XPOT: variants seen among roughly 807,000 people sequenced by gnomAD.
XPOT encodes the protein exportin-T.
Under a neutral mutation model 128.2 loss-of-function variants are expected in XPOT, and 34 were observed. The observed-to-expected ratio is 0.27, with a 90% CI of 0.20 to 0.35. The LOEUF is 0.35. XPOT is among the 10% of genes least tolerant of loss of function. XPOT has a pLI of 1.00. For synonymous variants in XPOT, 348 were observed against 394.3 expected, an observed-to-expected ratio of 0.88 and a Z score of 1.39; for missense variants, 838 against 1,125.3, an observed-to-expected ratio of 0.74 and a Z score of 3.65.
At chr12:64,419,590 T>C (rs1452031983) in intron 6 of XPOT, among the ~76,000 whole-genome samples, 1 of 152,242 alleles carries the variant, frequency 6.6e-6, no homozygotes. Flanking sequence ...ATTACAGGCA[T>C]GAGCCACTGC....
rs1479062471 is a variant in XPOT, at chr12:64,449,806, G to C, written c.*1675G>C. 3 of 152,176 alleles carry C rather than the reference G, an allele frequency of 2.0e-5. No homozygotes were observed. Among genetic ancestry groups the C allele is most frequent in the African/African-American group, 7.2e-5 (3 of 41,450 alleles). The allele number at this position is 152,176 out of a possible 1,614,324, so 9.4% of individuals were successfully genotyped here. A position where few individuals can be genotyped will look rare whatever the true frequency, so the allele number is the denominator to read the frequency against. Reference sequence around the variant, plus strand: ...CCCCTGTACTATAGGAGTGATAATTGCAGCTATTGCAATAGTAGTAATTGT... The same window carrying C: ...CCCCTGTACTATAGGAGTGATAATTCCAGCTATTGCAATAGTAGTAATTGT... On this transcript the variant is annotated 3_prime_UTR_variant, in exon 25 of 25. Transcript: ENST00000332707.
At chr12:64,422,408 T>C (rs1024312730) in intron 9 of XPOT, among the ~76,000 whole-genome samples, 1 of 152,236 alleles carries the variant, frequency 6.6e-6, no homozygotes, top group African/African-American at 2.4e-5. Flanking sequence ...TTCCATTGTA[T>C]ATCTCTTAAT....
At chr12:64,433,676 C>A in intron 19 of XPOT, 73 bp downstream of exon 19, 1 of 1,365,562 alleles carries the variant, frequency 7.3e-7, no homozygotes, top group Non-Finnish European at 9.7e-7. Context: ...TGACCAAGAG[C>A]AAACTGAAGT....
At chr12:64,413,335 T>C (rs2040057882) in intron 2 of XPOT, among the ~76,000 whole-genome samples, 1 of 152,116 alleles carries the variant, frequency 6.6e-6, no homozygotes, top group Admixed American at 6.5e-5. Flanking sequence ...ACTGCTGGCC[T>C]CAAGTGATCT....
chr12:64,425,559 C>T, intron 14 of XPOT, 102 bp downstream of exon 14: 1 of 1,430,950 alleles, frequency 7.0e-7, no homozygotes, highest in Non-Finnish European at 9.5e-7. Flanking sequence ...GAATCAAAAC[C>T]TCTCAGAAGT....
At chr12:64,424,986 G>A (rs969333444) in intron 12 of XPOT, 52 bp from the exon 13 acceptor site, 2 of 1,603,774 alleles carry the variant, frequency 1.2e-6, no homozygotes, top group Admixed American at 1.7e-5. Context: ...TGCATAATTT[G>A]CTGTATGAAA....
intron 22 of XPOT, among the ~76,000 whole-genome samples, chr12:64,438,841 A>G (rs1487242756): frequency 6.6e-6 from 1 of 151,912 alleles, no homozygotes; most frequent in East Asian, 1.9e-4. Context: ...TGTTGGCCAC[A>G]CTGGTCTCGA....
chr12:64,409,262 C>T (rs76069059), intron 1 of XPOT, among the ~76,000 whole-genome samples: 6,028 of 152,196 alleles, frequency 0.04, 393 homozygotes, highest in African/African-American at 0.14. Flanking sequence ...TAATAGTCTG[C>T]ATTTGTCATT....
In XPOT at chr12:64,420,048, C is replaced by A. The variant is rs373475630; in HGVS notation, c.490-22C>A. ...TGATTTTGTAAGGTAATCTACTTTG[C>A]ATTTGGCGTTTTGTATTTTAGGAGG... On this transcript the variant is annotated intron_variant, in intron 6 of 24. Transcript: ENST00000332707. 11 of 1,537,704 alleles carry A rather than the reference C, an allele frequency of 7.2e-6. No individual in the cohort carries two copies. In the African/African-American group the frequency reaches 1.5e-4, roughly 21 times the overall value.
In XPOT at chr12:64,429,812, T is replaced by C. The variant is rs1675473733; in HGVS notation, c.1738-237T>C. Among the ~76,000 whole-genome samples the C allele has an allele frequency of 2.0e-5, 3 of 152,298 alleles. No homozygotes were observed. In the South Asian group the frequency reaches 6.2e-4, roughly 32 times the overall value. On this transcript the variant is annotated intron_variant, in intron 16 of 24. Transcript: ENST00000332707. Reference sequence around the variant, plus strand: ...CAAGTTAGAAAGCTAACTTTAATAATTATCTTACATGATCATTTATAGAGT... The same window carrying C: ...CAAGTTAGAAAGCTAACTTTAATAACTATCTTACATGATCATTTATAGAGT...
In XPOT at chr12:64,421,205, T is replaced by C. The variant is rs765678100; in HGVS notation, c.844-30T>C. 5.8e-6 allele frequency: 9 copies of C among 1,552,524 alleles called. No homozygotes were observed. The South Asian group carries it at 1.0e-4, about 17-fold the overall frequency. ...TCCTCTTAGCTTGGGCAGGCAGTTTTAAACAGAGATGTGTCTTGATTGCTT... is the reference window on the plus strand; with the variant it reads ...TCCTCTTAGCTTGGGCAGGCAGTTTCAAACAGAGATGTGTCTTGATTGCTT... On this transcript the variant is annotated intron_variant, in intron 8 of 24. Coordinates refer to ENST00000332707, the MANE Select transcript of XPOT (RefSeq NM_007235.6).
intron 1 of XPOT, among the ~76,000 whole-genome samples, chr12:64,408,944 A>G (rs2040009620): frequency 6.6e-6 from 1 of 151,972 alleles, no homozygotes; most frequent in Admixed American, 6.6e-5. Flanking sequence ...AAGTTCTCAG[A>G]TTACCGGTGT....
At chr12:64,409,924 C>A in intron 1 of XPOT, 38 bp from the exon 2 acceptor site, 1 of 791,002 alleles carries the variant, frequency 1.3e-6, no homozygotes. Context: ...ATTTGTTTAT[C>A]AAGTAATGTT....
At chr12:64,444,839 GACT>G (rs2040355079) in intron 23 of XPOT, among the ~76,000 whole-genome samples, 1 of 152,042 alleles carries the variant, frequency 6.6e-6, no homozygotes, top group Admixed American at 6.6e-5. Flanking sequence ...TGGGCACAGT[GACT>G]TATGCCTGTA....
intron 4 of XPOT, 47 bp downstream of exon 4, chr12:64,416,801 A>T: frequency 6.8e-7 from 1 of 1,476,830 alleles, no homozygotes; most frequent in South Asian, 1.2e-5. Context: ...GGGAGAGGTC[A>T]TTTTTTTAAT....
At chr12:64,426,023 T>TA in intron 15 of XPOT, 114 bp downstream of exon 15, 1 of 974,136 alleles carries the variant, frequency 1.0e-6, no homozygotes, top group Non-Finnish European at 1.6e-6. Flanking sequence ...GTGGATTAGA[T>TA]AAAGAAAATG....
At chr12:64,406,963 G>C (rs2039989553) in intron 1 of XPOT, among the ~76,000 whole-genome samples, 1 of 152,088 alleles carries the variant, frequency 6.6e-6, no homozygotes, top group Non-Finnish European at 1.5e-5. Context: ...CTATGTGCCA[G>C]CCATGCTCTG....
chr12:64,423,251 A>ATT lies in XPOT; in HGVS notation c.1182+15_1182+16dup. 2 of 1,536,532 alleles carry ATT rather than the reference A, an allele frequency of 1.3e-6. No homozygotes were observed. The highest frequency in any genetic ancestry group is 2.1e-5 in the Admixed American group (1 of 46,524). ...ATATAACTTTGAAAATGAGGTAAGA[A>ATT]TTTTTTTTTGTTGAGGAGAAAGGAG... On this transcript the variant is annotated splice_region_variant and intron_variant, in intron 11 of 24. Coordinates refer to ENST00000332707, the MANE Select transcript of XPOT (RefSeq NM_007235.6).
In XPOT at chr12:64,425,938, T is replaced by C. The variant is rs530385734; in HGVS notation, c.1667+29T>C. The C allele has an allele frequency of 5.0e-6, 8 of 1,588,328 alleles. No homozygotes were observed. In the South Asian group the frequency reaches 8.8e-5, roughly 18 times the overall value. ...AGTATAAAATTGCAGCTATTATGTT[T>C]AGTTATTTTTTAAGTTACTGGATAG... On this transcript the variant is annotated intron_variant, in intron 15 of 24. Coordinates refer to ENST00000332707, the MANE Select transcript of XPOT (RefSeq NM_007235.6).
Sources: allele counts gnomAD v4.1 joint callset (sites outside exome capture counted in the v4.1 genomes callset), GRCh38; gene constraint gnomAD v4.1.1; transcripts MANE v1.5; gene names NCBI Gene and HGNC (gene_info 2026-07-23, HGNC 2026-07-21).